The following FAM222B variants were observed in gnomAD, a reference collection of about 807,000 sequenced individuals.
The protein encoded by FAM222B is family with sequence similarity 222 member B.
Under a neutral mutation model 38.0 loss-of-function variants are expected in FAM222B, and 12 were observed. That is an observed-to-expected ratio of 0.32 (90% CI 0.20 to 0.51). The LOEUF (loss-of-function observed/expected upper bound fraction) is 0.51. Ranked by LOEUF, FAM222B falls within the 20% of genes least tolerant of loss-of-function variation. The probability of loss-of-function intolerance (pLI) is 0.97; values close to 1 mark genes in which losing one functional copy is unlikely to be tolerated. For missense variants in FAM222B, 716 were observed against 754.2 expected (o/e 0.95, Z 0.59); for synonymous variants, 329 against 317.2 (o/e 1.04, Z -0.40).
At chr17:28,785,283 A>C (rs948373168) in intron 1 of FAM222B, among the ~76,000 whole-genome samples, 1 of 152,212 alleles carries the variant, frequency 6.6e-6, no homozygotes, top group African/African-American at 2.4e-5. Flanking sequence ...TGTTGAATTT[A>C]AAATGCCACA....
At chr17:28,827,526 T>C (rs1003051656) in intron 1 of FAM222B, among the ~76,000 whole-genome samples, 1 of 152,082 alleles carries the variant, frequency 6.6e-6, no homozygotes, top group South Asian at 2.1e-4. Context: ...ATAATAAAGG[T>C]AATGTTAGCA....
chr17:28,836,425 C>G (rs1476374937), intron 1 of FAM222B, among the ~76,000 whole-genome samples: 2 of 152,008 alleles, frequency 1.3e-5, no homozygotes, highest in African/African-American at 4.8e-5. Context: ...GGGCTTGTAG[C>G]AGGACAAGCC....
chr17:28,786,626 C>G (rs1310094303), intron 1 of FAM222B, among the ~76,000 whole-genome samples: 2 of 152,142 alleles, frequency 1.3e-5, no homozygotes, highest in African/African-American at 4.8e-5. Context: ...CTTTTGGAAG[C>G]TGGGCATCAT....
chr17:28,784,491 TAAAAAAAAAAAAAAAAAAAAAAAAAAAA>T (rs559624246), intron 1 of FAM222B, among the ~76,000 whole-genome samples: 1 of 36,032 alleles, frequency 2.8e-5, no homozygotes, highest in Non-Finnish European at 5.0e-5. Context: ...TCCCCTCTCT[TAAAAAAAAAAAAAAAAAAAAAAAAAAAA>T]AAAAAAAAAA....
chr17:28,811,867 A>G (rs1361378268), intron 1 of FAM222B, among the ~76,000 whole-genome samples: 1 of 152,186 alleles, frequency 6.6e-6, no homozygotes, highest in Non-Finnish European at 1.5e-5. Flanking sequence ...ACACGCATGG[A>G]GTACAGTTCC....
At chr17:28,843,407 G>T (rs1356743657), upstream of FAM222B, among the ~76,000 whole-genome samples, 2 of 148,310 alleles carry the variant, frequency 1.3e-5, no homozygotes, top group Non-Finnish European at 3.0e-5. Flanking sequence ...AAAGCGCTGG[G>T]ATTACAAGCA....
chr17:28,813,723 T>C (rs1245236772), intron 1 of FAM222B, among the ~76,000 whole-genome samples: 1 of 151,344 alleles, frequency 6.6e-6, no homozygotes, highest in African/African-American at 2.4e-5. Flanking sequence ...TTTTTTGTAT[T>C]TTTTAGTAGA....
intron 1 of FAM222B, among the ~76,000 whole-genome samples, chr17:28,835,556 G>A (rs1021828972): frequency 2.6e-5 from 4 of 152,098 alleles, no homozygotes; most frequent in Non-Finnish European, 4.4e-5. Context: ...ACACAAATTC[G>A]CAAATTGATA....
At chr17:28,846,262 G>A (rs966850674), upstream of FAM222B, among the ~76,000 whole-genome samples, 2 of 151,384 alleles carry the variant, frequency 1.3e-5, no homozygotes, top group African/African-American at 4.9e-5. Context: ...CCACCTACTT[G>A]GGAGGCTGAG....
At chr17:28,807,751 A>C (rs190767730) in intron 1 of FAM222B, among the ~76,000 whole-genome samples, 5 of 152,344 alleles carry the variant, frequency 3.3e-5, no homozygotes, top group African/African-American at 9.6e-5. Flanking sequence ...TCTCTAATGA[A>C]GTAAACTTCT....
At chr17:28,844,067 A>G (rs928586720), upstream of FAM222B, among the ~76,000 whole-genome samples, 3 of 152,160 alleles carry the variant, frequency 2.0e-5, no homozygotes, top group Non-Finnish European at 4.4e-5. Context: ...AAAGAAAACC[A>G]CTAAAGTCCA....
intron 1 of FAM222B, among the ~76,000 whole-genome samples, chr17:28,817,984 A>G (rs921167412): frequency 2.4e-4 from 37 of 152,308 alleles, no homozygotes; most frequent in African/African-American, 7.7e-4. Context: ...ACTTCTATCT[A>G]TGAAAGTAGA....
At chr17:28,820,950 C>CTTTTTTTTTTTTTTTTTTTTTTTTTT (rs1456864304) in intron 1 of FAM222B, among the ~76,000 whole-genome samples, 2 of 144,306 alleles carry the variant, frequency 1.4e-5, no homozygotes. Context: ...TGGTAAAACT[C>CTTTTTTTTTTTTTTTTTTTTTTTTTT]TTTTTATTTT....
At chr17:28,819,034 G>A (rs1423215777) in intron 1 of FAM222B, among the ~76,000 whole-genome samples, 1 of 152,186 alleles carries the variant, frequency 6.6e-6, no homozygotes. Context: ...ACAAAAAGAA[G>A]GCTGTGCAAG....
At chr17:28,852,776 A>C (rs544818005) in intron 1 of FAM222B, among the ~76,000 whole-genome samples, 2 of 152,244 alleles carry the variant, frequency 1.3e-5, no homozygotes, top group Non-Finnish European at 2.9e-5. Context: ...ATCTGGGGAA[A>C]GGCCAAGCAT....
At chr17:28,821,014 A>G (rs35199116) in intron 1 of FAM222B, among the ~76,000 whole-genome samples, 27,525 of 149,132 alleles carry the variant, frequency 0.18, 2,639 homozygotes, top group South Asian at 0.29. Flanking sequence ...GGAGTGCAAC[A>G]GTGCAATCTC....
chr17:28,768,278 G>T (rs142896171), intron 1 of FAM222B, among the ~76,000 whole-genome samples: 77 of 152,266 alleles, frequency 5.1e-4, no homozygotes, highest in African/African-American at 1.9e-3. Flanking sequence ...TCTTGAGAGG[G>T]CTCTCTCAGG....
intron 1 of FAM222B, among the ~76,000 whole-genome samples, chr17:28,797,956 C>CTGAGA (rs1367667387): frequency 1.3e-5 from 2 of 151,894 alleles, no homozygotes; most frequent in Non-Finnish European, 2.9e-5. Context: ...CCACAGGAGG[C>CTGAGA]TGAGATGGGA....
rs1445300817 is a variant in FAM222B, at chr17:28,766,672, G to A, written c.-5C>T. 3.8e-6 allele frequency: 6 copies of A among 1,598,444 alleles called. No individual in the cohort carries two copies. Among genetic ancestry groups the A allele is most frequent in the South Asian group, 1.1e-5 (1 of 88,420 alleles). On this transcript the variant is annotated 5_prime_UTR_variant, in exon 2 of 3. Transcript: ENST00000581407. ...CCCTGGTAGACAGGCTAGCATGGCA[G>A]ATTGGCATCAACACAACATGGGGCA...
Sources: gnomAD v4.1 joint callset for allele counts (sites outside exome capture counted in the v4.1 genomes callset) on GRCh38, gnomAD v4.1.1 for gene constraint, MANE v1.5 for transcripts, NCBI Gene and HGNC (gene_info 2026-07-23, HGNC 2026-07-21) for gene names.